ARHGAP35: variants seen among roughly 807,000 people sequenced by gnomAD.
The protein encoded by ARHGAP35 is Rho GTPase activating protein 35, also known as rho GTPase-activating protein 35.
A neutral mutation model predicts 111.1 loss-of-function variants in ARHGAP35; 15 were observed. The ratio of observed to expected loss-of-function variants is 0.13; its 90% CI spans 0.09 to 0.21. The LOEUF (loss-of-function observed/expected upper bound fraction) is 0.21. Among genes scored for constraint, ARHGAP35 ranks in the 10% least tolerant of loss-of-function variants. The probability of loss-of-function intolerance (pLI) is 1.00; values close to 1 mark genes in which losing one functional copy is unlikely to be tolerated. For synonymous variants in ARHGAP35, 643 were observed against 710.3 expected (o/e 0.91, Z 1.51); for missense variants, 1,262 against 1,873.0 (o/e 0.67, Z 6.02).
At chr19:46,878,319 G>T (rs914414633) in intron 1 of ARHGAP35, among the ~76,000 whole-genome samples, 1 of 151,756 alleles carries the variant, frequency 6.6e-6, no homozygotes, top group African/African-American at 2.4e-5. Context: ...CATCGCGCTT[G>T]GCCTAATTTT....
At chr19:46,984,407 C>T (rs2056637820) in intron 3 of ARHGAP35, among the ~76,000 whole-genome samples, 1 of 152,208 alleles carries the variant, frequency 6.6e-6, no homozygotes, top group Non-Finnish European at 1.5e-5. Flanking sequence ...GACCCCAGCC[C>T]TTTTCCTGCT....
intron 3 of ARHGAP35, among the ~76,000 whole-genome samples, chr19:46,977,822 GGAA>G (rs1472782964): frequency 5.3e-5 from 8 of 152,216 alleles, no homozygotes; most frequent in African/African-American, 1.7e-4. Context: ...TTATAAAATG[GGAA>G]GAAGAATGGT....
At chr19:46,890,150 A>G (rs1194303902) in intron 1 of ARHGAP35, among the ~76,000 whole-genome samples, 1 of 152,126 alleles carries the variant, frequency 6.6e-6, no homozygotes, top group African/African-American at 2.4e-5. Context: ...TCTCCGTTTT[A>G]CTTTACTGTT....
intron 1 of ARHGAP35, among the ~76,000 whole-genome samples, chr19:46,882,459 A>G (rs1462775172): frequency 2.0e-5 from 3 of 152,138 alleles, no homozygotes; most frequent in East Asian, 1.9e-4. Flanking sequence ...TATATCAGCA[A>G]TAGGCTGTTT....
chr19:46,865,963 C>T (rs140490347), intron 1 of ARHGAP35, among the ~76,000 whole-genome samples: 3,542 of 152,236 alleles, frequency 0.023, 147 homozygotes, highest in African/African-American at 0.08. Context: ...GTGTCAGCCT[C>T]CCGAGTAGCT....
intron 5 of ARHGAP35, among the ~76,000 whole-genome samples, chr19:46,998,245 C>CG (rs1568491651): frequency 1.3e-5 from 2 of 152,156 alleles, no homozygotes; most frequent in African/African-American, 4.8e-5. Context: ...CCCGAGCCCC[C>CG]GGGCCCATTA....
intron 1 of ARHGAP35, among the ~76,000 whole-genome samples, chr19:46,865,942 G>C (rs1410014166): frequency 6.6e-6 from 1 of 152,164 alleles, no homozygotes; most frequent in Non-Finnish European, 1.5e-5. Context: ...CTGGGTTCAA[G>C]CGATTCTTCT....
chr19:46,914,310 A>T (rs2056153041), intron 1 of ARHGAP35, among the ~76,000 whole-genome samples: 1 of 152,180 alleles, frequency 6.6e-6, no homozygotes. Flanking sequence ...CTGGGTTTAA[A>T]AATAACAGTC....
rs183765658 is a variant in ARHGAP35 at position 46,955,804 on chromosome 19, G to C, written c.3826+18396G>C. On this transcript the variant is annotated intron_variant, in intron 3 of 6. Coordinates refer to ENST00000672722, the MANE Select transcript of ARHGAP35 (RefSeq NM_004491.5). ...AAAAATGATTTCCTTTTTAAAAAAT[G>C]GTAATTGCTGTATGATTGTCAAATT... Among the ~76,000 whole-genome samples, 7 of 152,166 alleles carry C rather than the reference G, an allele frequency of 4.6e-5. No individual in the cohort carries two copies. In the East Asian group the frequency reaches 1.2e-3, roughly 25 times the overall value.
chr19:46,919,032 A>G lies in ARHGAP35; in HGVS notation c.357A>G (p.Arg119=), dbSNP rs1282623989. ...RSTALQPYIK[R]AAATKLASAE... is the part of the protein sequence containing the mutation. Reference sequence around the variant, plus strand: ...CGGCCCTGCAGCCCTATATCAAGAGAGCTGCTGCGACCAAGCTTGCATCAG... The same window carrying G: ...CGGCCCTGCAGCCCTATATCAAGAGGGCTGCTGCGACCAAGCTTGCATCAG... Residue 119 remains arginine, a synonymous_variant, in exon 2 of 7, where the codon AGA becomes AGG. Transcript: ENST00000672722. The surrounding 1 kb of genome is among the most constrained non-coding windows in gnomAD (Gnocchi z 6.2). The G allele has an allele frequency of 6.2e-7, 1 of 1,613,908 alleles. No individual in the cohort carries two copies. Among genetic ancestry groups the G allele is most frequent in the South Asian group, 1.1e-5 (1 of 91,074 alleles).
chr19:46,997,994 T>C (rs2056722901), intron 5 of ARHGAP35, among the ~76,000 whole-genome samples: 2 of 151,316 alleles, frequency 1.3e-5, no homozygotes, highest in African/African-American at 4.9e-5. Flanking sequence ...CCCAGCTACT[T>C]GGGAGGCTGA....
chr19:46,867,886 A>C (rs1456398686), intron 1 of ARHGAP35, among the ~76,000 whole-genome samples: 2 of 151,426 alleles, frequency 1.3e-5, no homozygotes, highest in Non-Finnish European at 2.9e-5. Context: ...TCTTTTTTTG[A>C]GACAGAGTCT....
Position 47,000,246 on chromosome 19 carries a change from C to A in ARHGAP35, c.4143-85C>A. ...CCACCTGAGGGAAGAAAGGTGGGCT[C>A]AGCCTGGGTGCTGAAGACCATGAGC... On this transcript the variant is annotated intron_variant, in intron 6 of 6. Coordinates refer to ENST00000672722, the MANE Select transcript of ARHGAP35 (RefSeq NM_004491.5). This position sits in a 1 kb window ranked among gnomAD's most constrained non-coding sequence, Gnocchi z 6.9. 1 of 1,408,554 alleles carries A rather than the reference C, an allele frequency of 7.1e-7. No homozygotes were observed. Among genetic ancestry groups the A allele is most frequent in the Admixed American group, 2.0e-5 (1 of 50,004 alleles). 87.3% of individuals were successfully genotyped at this position (1,408,554 alleles called of 1,614,324 possible).
chr19:46,995,701 G>C (rs912680271), intron 5 of ARHGAP35, among the ~76,000 whole-genome samples: 1 of 152,238 alleles, frequency 6.6e-6, no homozygotes, highest in Non-Finnish European at 1.5e-5. Flanking sequence ...CTGTGAAGCT[G>C]TCCTGCCAGC....
intron 1 of ARHGAP35, among the ~76,000 whole-genome samples, chr19:46,866,623 G>C (rs2055859074): frequency 6.6e-6 from 1 of 152,126 alleles, no homozygotes; most frequent in African/African-American, 2.4e-5. Flanking sequence ...AGCTCCTGTT[G>C]CTACTCTTTG....
At chr19:46,990,767 T>C (rs562132019) in intron 5 of ARHGAP35, among the ~76,000 whole-genome samples, 23 of 152,202 alleles carry the variant, frequency 1.5e-4, no homozygotes, top group Non-Finnish European at 2.5e-4. Flanking sequence ...TCACTGACTC[T>C]TAGTAGCATC....
chr19:46,878,310 A>G (rs748918943), intron 1 of ARHGAP35, among the ~76,000 whole-genome samples: 1 of 152,048 alleles, frequency 6.6e-6, no homozygotes, highest in African/African-American at 2.4e-5. Context: ...GGTATGAGCC[A>G]TCGCGCTTGG....
chr19:46,959,981 A>G (rs2122267132), intron 3 of ARHGAP35, among the ~76,000 whole-genome samples: 1 of 149,376 alleles, frequency 6.7e-6, no homozygotes, highest in East Asian at 2.0e-4. Context: ...ATTGTGGCAC[A>G]TGTCTATAGT....
chr19:46,880,335 G>A (rs955492608), intron 1 of ARHGAP35, among the ~76,000 whole-genome samples: 4 of 152,138 alleles, frequency 2.6e-5, no homozygotes, highest in African/African-American at 7.2e-5. Context: ...GGGAGGCTGA[G>A]GCAGGAGAAT....
Sources: allele counts gnomAD v4.1 joint callset (sites outside exome capture counted in the v4.1 genomes callset), GRCh38; gene constraint gnomAD v4.1.1; non-coding constraint Gnocchi (gnomAD v3.1); transcripts MANE v1.5; gene names NCBI Gene and HGNC (gene_info 2026-07-23, HGNC 2026-07-21).